The following PCDHGB2 variants were observed in gnomAD, a reference collection of about 807,000 sequenced individuals.
PCDHGB2 encodes the protein protocadherin gamma-B2.
PCDHGB2 carries 55 observed loss-of-function variants against 59.3 expected under a neutral mutation model. The observed-to-expected ratio is 0.93, with a 90% CI of 0.75 to 1.16. The LOEUF (loss-of-function observed/expected upper bound fraction) is 1.16, where lower values mean the gene tolerates loss of function less well. Ranked by LOEUF, PCDHGB2 falls within the 50% of genes most tolerant of loss-of-function variation. The pLI is 0.00. For synonymous variants in PCDHGB2, 516 were observed against 512.0 expected, an observed-to-expected ratio of 1.01 and a Z score of -0.11; for missense variants, 1,228 against 1,198.5, an observed-to-expected ratio of 1.02 and a Z score of -0.36.
At chr5:141,492,974 C>G (rs1479838959) in intron 1 of PCDHGB2, among the ~76,000 whole-genome samples, 1 of 152,244 alleles carries the variant, frequency 6.6e-6, no homozygotes, top group Non-Finnish European at 1.5e-5. Flanking sequence ...CTAACAAGTC[C>G]TGTCTCCTCT....
Position 141,432,323 on chromosome 5 carries a change from T to C in PCDHGB2, c.2422-62484T>C, listed in dbSNP as rs1198710959. The C allele has an allele frequency of 3.4e-5, 55 of 1,614,214 alleles. No individual in the cohort carries two copies. Among genetic ancestry groups the C allele is most frequent in the Non-Finnish European group, 4.7e-5 (55 of 1,180,028 alleles). On this transcript the variant is annotated intron_variant, in intron 1 of 3. Transcript: ENST00000522605. This position sits in a 1 kb window ranked among gnomAD's most constrained non-coding sequence, Gnocchi z 6.0. ...ACTGTATGCGCTGAGCTCCTTCGAC[T>C]ACGAGCAGTTCCGAGACTTGCAAGT...
At position 141,432,181 on chromosome 5, in the gene PCDHGB2, G is replaced by A. The variant is rs1443322706; in HGVS notation, c.2422-62626G>A. 3.7e-6 allele frequency: 6 copies of A among 1,614,116 alleles called. No homozygotes were observed. In the South Asian group the frequency reaches 6.6e-5, roughly 18 times the overall value. On this transcript the variant is annotated intron_variant, in intron 1 of 3. Coordinates refer to ENST00000522605, the MANE Select transcript of PCDHGB2 (RefSeq NM_018923.3). This position sits in a 1 kb window ranked among gnomAD's most constrained non-coding sequence, Gnocchi z 6.0. ...CCAGAGGAGTTTCCCTCGTCTCTGTGACCGCCCACGACCCCGACTGTGAAG... is the reference window on the plus strand; with the variant it reads ...CCAGAGGAGTTTCCCTCGTCTCTGTAACCGCCCACGACCCCGACTGTGAAG...
At chr5:141,366,550 T>G in intron 1 of PCDHGB2, 2 of 1,614,254 alleles carry the variant, frequency 1.2e-6, no homozygotes, top group Non-Finnish European at 8.5e-7. Context: ...CCTCGCACTT[T>G]GTGGGCGTGG....
intron 1 of PCDHGB2, chr5:141,421,848 T>C (rs571838248): frequency 4.9e-5 from 79 of 1,613,634 alleles, no homozygotes; most frequent in Non-Finnish European, 6.0e-5. Flanking sequence ...AGAAAGAGGC[T>C]GCTCACCTGC....
chr5:141,438,254 A>G (rs916664408), intron 1 of PCDHGB2, among the ~76,000 whole-genome samples: 1 of 152,170 alleles, frequency 6.6e-6, no homozygotes, highest in Non-Finnish European at 1.5e-5. Context: ...CTGTCATTGA[A>G]GAGACCATAG....
Position 141,491,004 on chromosome 5 carries a change from G to T in PCDHGB2, c.2422-3803G>T. ...CTCGCTCTGCTCCTCCTGGCTCCTT[G>T]GTCACCAAGGTGACAGCCGTGGATG... On this transcript the variant is annotated intron_variant, in intron 1 of 3. Transcript: ENST00000522605. The surrounding 1 kb of genome is among the most constrained non-coding windows in gnomAD (Gnocchi z 6.9). The T allele has an allele frequency of 6.2e-7, 1 of 1,614,024 alleles. No individual in the cohort carries two copies. Among genetic ancestry groups the T allele is most frequent in the Non-Finnish European group, 8.5e-7 (1 of 1,180,026 alleles).
At position 141,486,671 on chromosome 5, in the gene PCDHGB2, C is replaced by G. The variant is rs1307620045; in HGVS notation, c.2422-8136C>G. 24 of 1,613,926 alleles carry G rather than the reference C, an allele frequency of 1.5e-5. No homozygotes were observed. The highest frequency in any genetic ancestry group is 2.7e-5 in the African/African-American group (2 of 74,932). Reference sequence around the variant, plus strand: ...CTACTCACTCCTGGAGCCCAGGAATCGAGATGTATCAGCTTCCTCTTTCAT... The same window carrying G: ...CTACTCACTCCTGGAGCCCAGGAATGGAGATGTATCAGCTTCCTCTTTCAT... On this transcript the variant is annotated intron_variant, in intron 1 of 3. Transcript: ENST00000522605. The surrounding 1 kb of genome is among the most constrained non-coding windows in gnomAD (Gnocchi z 5.0).
intron 1 of PCDHGB2, chr5:141,409,534 C>A (rs774144232): frequency 3.1e-6 from 5 of 1,613,986 alleles, no homozygotes; most frequent in Non-Finnish European, 4.2e-6. Flanking sequence ...ATGTCGCTGA[C>A]ATCAACGACA....
chr5:141,487,256 G>A lies in PCDHGB2; in HGVS notation c.2422-7551G>A. ...ATCTCGTCTAACCCTCTACTTGGCTGTGTCCCTAGTGGCAATTTGCTTTGT... is the reference window on the plus strand; with the variant it reads ...ATCTCGTCTAACCCTCTACTTGGCTATGTCCCTAGTGGCAATTTGCTTTGT... On this transcript the variant is annotated intron_variant, in intron 1 of 3. Transcript: ENST00000522605. The surrounding 1 kb of genome is among the most constrained non-coding windows in gnomAD (Gnocchi z 5.0). The A allele has an allele frequency of 6.2e-7, 1 of 1,614,166 alleles. No individual in the cohort carries two copies. The highest frequency in any genetic ancestry group is 8.5e-7 in the Non-Finnish European group (1 of 1,180,032).
Position 141,485,746 on chromosome 5 carries a change from C to T in PCDHGB2, c.2422-9061C>T, listed in dbSNP as rs1297635523. ...AGAAGCGCAGCGACGGCAGCCTGGT[C>T]CCAGAGCTGCTCCTGGAGAAGCCTT... On this transcript the variant is annotated intron_variant, in intron 1 of 3. Coordinates refer to ENST00000522605, the MANE Select transcript of PCDHGB2 (RefSeq NM_018923.3). The surrounding 1 kb of genome is among the most constrained non-coding windows in gnomAD (Gnocchi z 5.7). 6.2e-7 allele frequency: 1 copy of T among 1,614,128 alleles called. No individual in the cohort carries two copies. The highest frequency in any genetic ancestry group is 2.2e-5 in the East Asian group (1 of 44,880).
At chr5:141,496,782 C>T (rs552953558) in intron 2 of PCDHGB2, among the ~76,000 whole-genome samples, 16 of 152,136 alleles carry the variant, frequency 1.1e-4, no homozygotes, top group South Asian at 2.1e-4. Context: ...TGAGCAGGGC[C>T]CTGTGCTAAA....
chr5:141,502,470 G>A (rs1017558920), intron 2 of PCDHGB2, among the ~76,000 whole-genome samples: 5 of 150,916 alleles, frequency 3.3e-5, no homozygotes, highest in Admixed American at 2.6e-4. Flanking sequence ...AATACTTCCC[G>A]CAGCATCACA....
At chr5:141,368,452 C>G (rs75043959) in intron 1 of PCDHGB2, among the ~76,000 whole-genome samples, 11 of 151,980 alleles carry the variant, frequency 7.2e-5, no homozygotes, top group Middle Eastern at 3.4e-3. Context: ...ACAAACTCAC[C>G]GAATAGTGAA....
chr5:141,400,503 G>T, intron 1 of PCDHGB2: 1 of 1,614,022 alleles, frequency 6.2e-7, no homozygotes, highest in Non-Finnish European at 8.5e-7. Context: ...ATTCCAGCGA[G>T]TCGACTTCCC....
chr5:141,403,532 C>T (rs1313886103), intron 1 of PCDHGB2: 2 of 1,613,892 alleles, frequency 1.2e-6, no homozygotes, highest in African/African-American at 2.7e-5. Context: ...AAACCCAGAG[C>T]TGGTGCTGGA....
chr5:141,476,190 C>T lies in PCDHGB2; in HGVS notation c.2422-18617C>T. On this transcript the variant is annotated intron_variant, in intron 1 of 3. Transcript: ENST00000522605. The surrounding 1 kb of genome is among the most constrained non-coding windows in gnomAD (Gnocchi z 7.6). ...GTGGGAGTTTTGCTTCTGCTTGGTG[C>T]CTTGAACAAGGCTTCCACGGTCATT... is the stretch of plus-strand genomic sequence containing the variant. 3.1e-6 allele frequency: 5 copies of T among 1,613,694 alleles called. No individual in the cohort carries two copies. The highest frequency in any genetic ancestry group is 4.2e-6 in the Non-Finnish European group (5 of 1,179,988).
At chr5:141,387,340 G>A (rs565408747) in intron 1 of PCDHGB2, among the ~76,000 whole-genome samples, 2 of 152,306 alleles carry the variant, frequency 1.3e-5, no homozygotes, top group Non-Finnish European at 2.9e-5. Flanking sequence ...ACTGTACTCT[G>A]AGACGGTTTA....
rs780863525 is a variant in PCDHGB2 at position 141,384,110 on chromosome 5, T to C, written c.2421+21554T>C. The stretch of plus-strand genomic sequence containing the variant: ...AAATCAATAGATAATTATTATAGAT[T>C]GGTCACAACCAAAAACTTGGACCGG... On this transcript the variant is annotated intron_variant, in intron 1 of 3. Transcript: ENST00000522605. The C allele has an allele frequency of 5.0e-6, 8 of 1,604,780 alleles. No homozygotes were observed. The South Asian group carries it at 7.8e-5, about 16-fold the overall frequency.
rs1179408656 is a variant in PCDHGB2, at chr5:141,395,537, A to ATTGT, written c.2421+32986_2421+32989dup. 1,010 of 243,944 alleles carry ATTGT rather than the reference A, an allele frequency of 4.1e-3. 17 individuals are homozygous for ATTGT. In the African/African-American group the frequency reaches 0.049, roughly 12 times the overall value. The allele number at this position is 243,944 out of a possible 1,614,324, so 15.1% of individuals were successfully genotyped here. On this transcript the variant is annotated intron_variant, in intron 1 of 3. Coordinates refer to ENST00000522605, the MANE Select transcript of PCDHGB2 (RefSeq NM_018923.3). ...ACCCGTCCATACTGGTAATTTTGCT[A>ATTGT]TTGTTTGTGTGTGTGTGTGTGTGTG... is the stretch of plus-strand genomic sequence containing the variant.
Sources: gnomAD v4.1 joint callset for allele counts (sites outside exome capture counted in the v4.1 genomes callset) on GRCh38, gnomAD v4.1.1 for gene constraint, Gnocchi (gnomAD v3.1) non-coding constraint, MANE v1.5 for transcripts, NCBI Gene and HGNC (gene_info 2026-07-23, HGNC 2026-07-21) for gene names.